The following SGCD variants were observed in gnomAD, a reference collection of about 807,000 sequenced individuals.
The protein encoded by SGCD is sarcoglycan delta.
A neutral mutation model predicts 36.6 loss-of-function variants in SGCD; 18 were observed. That is an observed-to-expected ratio of 0.49 (90% CI 0.34 to 0.73). The LOEUF is 0.73. SGCD is among the 30% of genes least tolerant of loss of function. The pLI is 0.01. For synonymous variants in SGCD, 133 were observed against 130.6 expected (o/e 1.02, Z -0.12); for missense variants, 387 against 346.7 (o/e 1.12, Z -0.92).
At chr5:156,563,812 AT>A (rs1484971475) in intron 4 of SGCD, among the ~76,000 whole-genome samples, 3 of 152,066 alleles carry the variant, frequency 2.0e-5, no homozygotes, top group Non-Finnish European at 4.4e-5. Context: ...ACCTGGAATC[AT>A]TATCAAAGAA....
At chr5:156,074,143 A>G (rs1456671654) in intron 1 of SGCD, among the ~76,000 whole-genome samples, 4 of 152,218 alleles carry the variant, frequency 2.6e-5, no homozygotes, top group African/African-American at 9.6e-5. Context: ...CTTATTTATT[A>G]TATATCTTTT....
At chr5:156,502,081 C>T (rs181323643) in intron 3 of SGCD, among the ~76,000 whole-genome samples, 2 of 145,024 alleles carry the variant, frequency 1.4e-5, no homozygotes, top group African/African-American at 5.1e-5. Flanking sequence ...GAGTCTTGCT[C>T]TGTTGCCCAG....
chr5:156,740,446 C>T (rs1756613445), intron 7 of SGCD, among the ~76,000 whole-genome samples: 1 of 152,224 alleles, frequency 6.6e-6, no homozygotes, highest in African/African-American at 2.4e-5. Flanking sequence ...AATTATGTCA[C>T]CTTCTTAGAG....
chr5:156,349,763 G>A (rs1440575021), intron 3 of SGCD, among the ~76,000 whole-genome samples: 3 of 151,970 alleles, frequency 2.0e-5, no homozygotes, highest in Non-Finnish European at 2.9e-5. Flanking sequence ...AAAGAAAAAA[G>A]TCATTATGTC....
At position 156,637,477 on chromosome 5, in the gene SGCD, C is replaced by T. The variant is rs139296071; in HGVS notation, c.503-9987C>T. 2.6e-5 allele frequency among the ~76,000 whole-genome samples: 4 copies of T among 152,274 alleles called. No homozygotes were observed. The East Asian group carries it at 7.7e-4, about 29-fold the overall frequency. On this transcript the variant is annotated intron_variant, in intron 6 of 8. Transcript: ENST00000337851. ...AGATGACTCAGGCAGCTCCAGATAT[C>T]ATGCTGATATTCAGATAAAAACACT...
the SGCD span, among the ~76,000 whole-genome samples, chr5:155,799,468 A>G: frequency 2.4e-3 from 363 of 150,150 alleles, no homozygotes; most frequent in African/African-American, 8.7e-3. Flanking sequence ...ATCTTGGCTC[A>G]CTGCAACCTT....
chr5:155,898,973 A>C (rs948522337), intron 1 of SGCD, among the ~76,000 whole-genome samples: 1 of 152,208 alleles, frequency 6.6e-6, no homozygotes, highest in Non-Finnish European at 1.5e-5. Flanking sequence ...CTGGAGGAGA[A>C]TCAGGAGCAT....
At position 156,338,588 on chromosome 5, in the gene SGCD, T is replaced by C. The variant is rs76500544; in HGVS notation, c.4-5901T>C. 8.4e-3 allele frequency among the ~76,000 whole-genome samples: 1,279 copies of C among 152,300 alleles called. 19 individuals are homozygous for C. Among genetic ancestry groups the C allele is most frequent in the African/African-American group, 0.028 (1,181 of 41,568 alleles). On this transcript the variant is annotated intron_variant, in intron 2 of 8. Transcript: ENST00000337851. ...TAAGATATTAAAGATCTGTCGAAAA[T>C]GGCAGACTTATCACTTTGAAGCTCA... is the stretch of plus-strand genomic sequence containing the variant.
chr5:155,806,846 C>A, the SGCD span, among the ~76,000 whole-genome samples: 1 of 152,058 alleles, frequency 6.6e-6, no homozygotes, highest in Non-Finnish European at 1.5e-5. Flanking sequence ...TATAAGCGAT[C>A]TGATTAATTT....
At chr5:156,754,401 C>T (rs995921980) in intron 7 of SGCD, among the ~76,000 whole-genome samples, 1 of 152,110 alleles carries the variant, frequency 6.6e-6, no homozygotes, top group Non-Finnish European at 1.5e-5. Context: ...TGAAGTAGAC[C>T]GTTTAAATAA....
chr5:156,241,474 TACC>T (rs373553924), intron 3 of SGCD, among the ~76,000 whole-genome samples: 20 of 152,278 alleles, frequency 1.3e-4, no homozygotes, highest in African/African-American at 4.8e-4. Context: ...ATTGTGGGCT[TACC>T]AAGAACATGT....
intron 6 of SGCD, among the ~76,000 whole-genome samples, chr5:156,616,676 C>T (rs1762032674): frequency 6.6e-6 from 1 of 152,200 alleles, no homozygotes; most frequent in African/African-American, 2.4e-5. Flanking sequence ...CCAAGATGTA[C>T]TAATGGCCTC....
the SGCD span, among the ~76,000 whole-genome samples, chr5:155,806,440 A>C: frequency 6.6e-6 from 1 of 152,226 alleles, no homozygotes; most frequent in East Asian, 1.9e-4. Context: ...GGCATAAGCC[A>C]TCGTGCCCAG....
At chr5:156,233,268 C>T (rs1765067392) in intron 3 of SGCD, among the ~76,000 whole-genome samples, 2 of 152,288 alleles carry the variant, frequency 1.3e-5, no homozygotes, top group East Asian at 1.9e-4. Context: ...TGTGTAATGC[C>T]TTTGCAGTAA....
intron 7 of SGCD, among the ~76,000 whole-genome samples, chr5:156,671,820 G>A (rs1753307135): frequency 6.6e-6 from 1 of 152,114 alleles, no homozygotes; most frequent in Admixed American, 6.6e-5. Context: ...GCATCTGCTA[G>A]GCTTCTTGTG....
At chr5:156,727,957 C>T (rs550727156) in intron 7 of SGCD, among the ~76,000 whole-genome samples, 11 of 152,294 alleles carry the variant, frequency 7.2e-5, no homozygotes, top group African/African-American at 2.6e-4. Flanking sequence ...CAACAGCTAA[C>T]ATTTTGAAAT....
intron 1 of SGCD, among the ~76,000 whole-genome samples, chr5:155,977,002 A>G (rs377085873): frequency 1.3e-5 from 2 of 152,292 alleles, no homozygotes; most frequent in African/African-American, 4.8e-5. Flanking sequence ...CAGTTCTTAG[A>G]ATAAGAAGAG....
At chr5:156,637,991 A>G (rs922969217) in intron 6 of SGCD, among the ~76,000 whole-genome samples, 56 of 151,568 alleles carry the variant, frequency 3.7e-4, no homozygotes, top group African/African-American at 1.2e-3. Context: ...TATTTTTTAG[A>G]CAGTGTTTCT....
intron 6 of SGCD, among the ~76,000 whole-genome samples, chr5:156,640,659 A>T (rs901873937): frequency 3.9e-5 from 6 of 152,166 alleles, no homozygotes; most frequent in Admixed American, 2.0e-4. Context: ...TGCAATTCCT[A>T]AATAAGAAAG....
Sources: gnomAD v4.1 joint callset for allele counts (sites outside exome capture counted in the v4.1 genomes callset) on GRCh38, gnomAD v4.1.1 for gene constraint, MANE v1.5 for transcripts, NCBI Gene and HGNC (gene_info 2026-07-23, HGNC 2026-07-21) for gene names.